The following ALK variants were observed in gnomAD, a reference collection of about 807,000 sequenced individuals.
ALK encodes the protein ALK tyrosine kinase receptor.
Under a neutral mutation model 163.1 loss-of-function variants are expected in ALK, and 74 were observed. The ratio of observed to expected loss-of-function variants is 0.45; its 90% CI spans 0.38 to 0.55. The LOEUF is 0.55. ALK is among the 20% of genes least tolerant of loss of function. The probability of loss-of-function intolerance (pLI) is 0.00; values close to 1 mark genes in which losing one functional copy is unlikely to be tolerated. For synonymous variants in ALK, 960 were observed against 843.2 expected (o/e 1.14, Z -2.40); for missense variants, 2,063 against 2,105.3 (o/e 0.98, Z 0.39).
intron 4 of ALK, among the ~76,000 whole-genome samples, chr2:29,504,969 A>G (rs1273354081): frequency 6.6e-6 from 1 of 152,186 alleles, no homozygotes; most frequent in Non-Finnish European, 1.5e-5. Flanking sequence ...TGACTGTGAC[A>G]GTGAGCAAGC....
intron 25 of ALK, among the ~76,000 whole-genome samples, chr2:29,207,701 ACACT>A (rs1489473693): frequency 5.3e-5 from 8 of 152,250 alleles, no homozygotes; most frequent in Admixed American, 4.6e-4. Context: ...GGATCCTCTG[ACACT>A]CACACAGCAT....
In ALK at chr2:29,695,190, A is replaced by C. The variant is rs561585325; in HGVS notation, c.788-176T>G. On this transcript the variant is annotated intron_variant, in intron 2 of 28. Coordinates refer to ENST00000389048, the MANE Select transcript of ALK (RefSeq NM_004304.5). ...TATTGGTGAAAAGGGACCTAAGAGA[A>C]TAAAATGTGCTCTTTCTGTAACTCA... 2.6e-5 allele frequency among the ~76,000 whole-genome samples: 4 copies of C among 152,358 alleles called. No individual in the cohort carries two copies. In the East Asian group the frequency reaches 7.7e-4, roughly 29 times the overall value.
chr2:29,663,596 A>T (rs1413574054), intron 3 of ALK, among the ~76,000 whole-genome samples: 1 of 152,154 alleles, frequency 6.6e-6, no homozygotes, highest in Non-Finnish European at 1.5e-5. Flanking sequence ...ATTTTGGATG[A>T]CTCACAGTTG....
chr2:29,705,236 A>AT (rs1678862588), intron 2 of ALK, among the ~76,000 whole-genome samples: 1 of 90,932 alleles, frequency 1.1e-5, no homozygotes, highest in Non-Finnish European at 2.2e-5. Context: ...AAGAAAAGAA[A>AT]AGAAATATAT....
chr2:29,304,679 A>T (rs1283788998), intron 8 of ALK, among the ~76,000 whole-genome samples: 1 of 152,102 alleles, frequency 6.6e-6, no homozygotes, highest in Non-Finnish European at 1.5e-5. Flanking sequence ...TTGTCTGCTG[A>T]CTATGGCATA....
intron 11 of ALK, among the ~76,000 whole-genome samples, chr2:29,264,756 A>C (rs1327994624): frequency 3.3e-5 from 5 of 152,214 alleles, no homozygotes; most frequent in Non-Finnish European, 7.3e-5. Flanking sequence ...GTGCTGGGAC[A>C]CTTTTGGCCC....
chr2:29,812,881 C>A (rs1664793459), intron 1 of ALK, among the ~76,000 whole-genome samples: 1 of 152,200 alleles, frequency 6.6e-6, no homozygotes, highest in Non-Finnish European at 1.5e-5. Flanking sequence ...CACACACAAT[C>A]TAGAATGTGC....
intron 4 of ALK, among the ~76,000 whole-genome samples, chr2:29,496,718 T>C (rs867049311): frequency 2.0e-5 from 3 of 152,244 alleles, no homozygotes; most frequent in Middle Eastern, 3.4e-3. Flanking sequence ...TGACAAATAT[T>C]TGCCATGTAC....
intron 4 of ALK, among the ~76,000 whole-genome samples, chr2:29,440,398 T>C (rs1480272089): frequency 6.7e-6 from 1 of 149,476 alleles, no homozygotes; most frequent in African/African-American, 2.5e-5. Context: ...CTCACTATAA[T>C]CTCTGCCTCC....
intron 18 of ALK, among the ~76,000 whole-genome samples, chr2:29,226,157 G>A (rs1392922177): frequency 1.3e-5 from 2 of 152,118 alleles, no homozygotes; most frequent in East Asian, 3.9e-4. Context: ...GCAAACAAAT[G>A]GGTTATTTAG....
At chr2:29,828,324 A>C (rs1283742884) in intron 1 of ALK, among the ~76,000 whole-genome samples, 1 of 152,340 alleles carries the variant, frequency 6.6e-6, no homozygotes, top group East Asian at 1.9e-4. Flanking sequence ...AATGGGATCG[A>C]ATTAAACTAA....
At chr2:29,327,940 A>G (rs1486400083) in intron 6 of ALK, among the ~76,000 whole-genome samples, 1 of 152,128 alleles carries the variant, frequency 6.6e-6, no homozygotes, top group African/African-American at 2.4e-5. Flanking sequence ...AAGGATCTGT[A>G]AGGTGGTTCC....
intron 6 of ALK, among the ~76,000 whole-genome samples, chr2:29,322,092 C>A (rs547574191): frequency 6.6e-6 from 1 of 152,236 alleles, no homozygotes; most frequent in African/African-American, 2.4e-5. Context: ...CACCTCCCAG[C>A]CTAGCTGCAG....
rs778587823 is a variant in ALK at position 29,233,607 on chromosome 2, T to C, written c.2445A>G (p.Ala815=). ...IRVNRSVHEW[A]GGGGGGGGAT... ...CTCCACCCCCTCCTCCTCCGCCTCC[T>C]GCCCACTCATGCACGCTTCTGTTCA... Residue 815 remains alanine, a synonymous_variant, in exon 14 of 29, where the codon GCA becomes GCG. Coordinates refer to ENST00000389048, the MANE Select transcript of ALK (RefSeq NM_004304.5). The C allele has an allele frequency of 1.2e-6, 2 of 1,614,240 alleles. No individual in the cohort carries two copies. Among genetic ancestry groups the C allele is most frequent in the South Asian group, 1.1e-5 (1 of 91,086 alleles).
intron 2 of ALK, among the ~76,000 whole-genome samples, chr2:29,705,277 A>C (rs1183060290): frequency 0.014 from 618 of 44,942 alleles, 22 homozygotes; most frequent in African/African-American, 0.11. Context: ...ATATATATAT[A>C]TATAAATATA....
At chr2:29,754,815 T>C (rs1052385901) in intron 1 of ALK, among the ~76,000 whole-genome samples, 1 of 152,194 alleles carries the variant, frequency 6.6e-6, no homozygotes, top group Non-Finnish European at 1.5e-5. Context: ...GCCACTAATA[T>C]TATTTCTCAG....
At chr2:29,510,834 A>G (rs1301703475) in intron 4 of ALK, among the ~76,000 whole-genome samples, 3 of 152,164 alleles carry the variant, frequency 2.0e-5, no homozygotes, top group African/African-American at 7.2e-5. Flanking sequence ...ATGTTTTCTG[A>G]GAAGTCTTCA....
chr2:29,354,158 A>G (rs1021954868), intron 5 of ALK, among the ~76,000 whole-genome samples: 10 of 152,168 alleles, frequency 6.6e-5, no homozygotes, highest in African/African-American at 2.4e-4. Context: ...CTAAGAAAAG[A>G]CTGTAGAAGT....
At chr2:29,847,085 A>T (rs1425144786) in intron 1 of ALK, among the ~76,000 whole-genome samples, 4 of 152,210 alleles carry the variant, frequency 2.6e-5, no homozygotes, top group African/African-American at 9.7e-5. Flanking sequence ...GCAAAAACAC[A>T]GAGAGGAATC....
Sources: allele counts gnomAD v4.1 joint callset (sites outside exome capture counted in the v4.1 genomes callset), GRCh38; gene constraint gnomAD v4.1.1; transcripts MANE v1.5; gene names NCBI Gene and HGNC (gene_info 2026-07-23, HGNC 2026-07-21).